Variants in ANKRD30BL observed in about 807,000 individuals in gnomAD.
The protein encoded by ANKRD30BL is ankyrin repeat domain 30B like.
In ANKRD30BL, 20 loss-of-function variants were observed where a neutral mutation model predicts 18.4. That is an observed-to-expected ratio of 1.09 (90% CI 0.77 to 1.58). ANKRD30BL has a LOEUF of 1.58. ANKRD30BL is among the 40% of genes most tolerant of loss of function. ANKRD30BL has a pLI of 0.00. For synonymous variants in ANKRD30BL, 72 were observed against 100.9 expected (o/e 0.71, Z 1.72); for missense variants, 224 against 268.6 (o/e 0.83, Z 1.16).
chr2:132,191,565 A>G (rs1210907842), intron 1 of ANKRD30BL, among the ~76,000 whole-genome samples: 1 of 152,004 alleles, frequency 6.6e-6, no homozygotes, highest in Non-Finnish European at 1.5e-5. Context: ...TGGATCCATT[A>G]TAGTTTCTGT....
chr2:132,185,388 G>T (rs1688545675), intron 1 of ANKRD30BL, among the ~76,000 whole-genome samples: 1 of 152,076 alleles, frequency 6.6e-6, no homozygotes, highest in Admixed American at 6.6e-5. Context: ...CATTGCAGGA[G>T]CCCCTTTCCT....
intron 1 of ANKRD30BL, among the ~76,000 whole-genome samples, chr2:132,204,536 G>T (rs2104750656): frequency 6.6e-6 from 1 of 151,476 alleles, no homozygotes; most frequent in South Asian, 2.1e-4. Flanking sequence ...CTAGATAGAA[G>T]TTTTTGAGAT....
intron 1 of ANKRD30BL, among the ~76,000 whole-genome samples, chr2:132,180,585 T>C (rs1452356975): frequency 6.6e-6 from 1 of 151,904 alleles, no homozygotes; most frequent in African/African-American, 2.4e-5. Flanking sequence ...CTCACTACAA[T>C]CTTACCCAGA....
intron 1 of ANKRD30BL, among the ~76,000 whole-genome samples, chr2:132,181,261 C>T (rs2104947707): frequency 6.6e-6 from 1 of 152,042 alleles, no homozygotes; most frequent in East Asian, 1.9e-4. Flanking sequence ...ATTGCCTGAG[C>T]TCAGGAGTTT....
chr2:132,151,596 C>G (rs3114239), intron 4 of ANKRD30BL, among the ~76,000 whole-genome samples: 2 of 147,026 alleles, frequency 1.4e-5, no homozygotes, highest in South Asian at 2.2e-4. Flanking sequence ...GAGACCATGT[C>G]TCAACAAAAA....
chr2:132,161,873 G>C lies in ANKRD30BL; in HGVS notation c.-168C>G, dbSNP rs1251529468. ...CTCCAACCTCTCCCGGGAGAAAATG[G>C]CTGCGCAAAACCGTTAGGCAGCTGA... is the stretch of plus-strand genomic sequence containing the variant. On this transcript the variant is annotated 5_prime_UTR_variant, in exon 1 of 6. Coordinates refer to ENST00000409867, the MANE Select transcript of ANKRD30BL (RefSeq NM_001358416.1). 2 of 600,816 alleles carry C rather than the reference G, an allele frequency of 3.3e-6. No homozygotes were observed. 37.2% of individuals were successfully genotyped at this position (600,816 alleles called of 1,614,324 possible).
intron 1 of ANKRD30BL, among the ~76,000 whole-genome samples, chr2:132,222,588 G>A (rs1679720737): frequency 6.6e-6 from 1 of 151,988 alleles, no homozygotes; most frequent in Non-Finnish European, 1.5e-5. Flanking sequence ...GTGTTAAATG[G>A]ATTAAGGGCG....
intron 1 of ANKRD30BL, among the ~76,000 whole-genome samples, chr2:132,175,824 GC>G (rs1337020295): frequency 6.6e-6 from 1 of 152,184 alleles, no homozygotes; most frequent in Non-Finnish European, 1.5e-5. Context: ...ATCCTGCACA[GC>G]CCTAGATCCC....
At chr2:132,162,546 C>T (rs1363565485), upstream of ANKRD30BL, among the ~76,000 whole-genome samples, 3 of 152,202 alleles carry the variant, frequency 2.0e-5, no homozygotes, top group African/African-American at 7.2e-5. Flanking sequence ...GATCCTGCAA[C>T]TGAGGTCCCA....
At chr2:132,256,077 A>T (rs1680826218) in intron 1 of ANKRD30BL, among the ~76,000 whole-genome samples, 2 of 152,204 alleles carry the variant, frequency 1.3e-5, no homozygotes, top group Non-Finnish European at 2.9e-5. Flanking sequence ...CAGCGACCAA[A>T]AGAACCATAA....
intron 1 of ANKRD30BL, among the ~76,000 whole-genome samples, chr2:132,182,756 G>A (rs1466650222): frequency 6.6e-6 from 1 of 152,028 alleles, no homozygotes; most frequent in Admixed American, 6.6e-5. Flanking sequence ...TCCTCAGGTG[G>A]TGGCTCAGTG....
At chr2:132,181,552 G>GAC (rs113866565) in intron 1 of ANKRD30BL, among the ~76,000 whole-genome samples, 9 of 151,586 alleles carry the variant, frequency 5.9e-5, no homozygotes, top group East Asian at 5.8e-4. Context: ...ACTAAAAGCA[G>GAC]ACACACACAC....
intron 1 of ANKRD30BL, among the ~76,000 whole-genome samples, chr2:132,202,816 A>T (rs1238335719): frequency 6.6e-6 from 1 of 152,352 alleles, no homozygotes; most frequent in African/African-American, 2.4e-5. Context: ...GGCCCATTGC[A>T]CAATGGCCAG....
At chr2:132,237,814 T>A (rs1192988950) in intron 1 of ANKRD30BL, among the ~76,000 whole-genome samples, 1 of 152,064 alleles carries the variant, frequency 6.6e-6, no homozygotes, top group African/African-American at 2.4e-5. Flanking sequence ...GACAGAAGAA[T>A]TCTCAGAAAC....
chr2:132,211,526 T>C (rs1679348061), intron 1 of ANKRD30BL, among the ~76,000 whole-genome samples: 1 of 151,988 alleles, frequency 6.6e-6, no homozygotes, highest in Non-Finnish European at 1.5e-5. Context: ...CAAAAGGATA[T>C]TTGGAGTGCT....
intron 1 of ANKRD30BL, among the ~76,000 whole-genome samples, chr2:132,192,412 T>G (rs1376556414): frequency 2.0e-5 from 3 of 152,146 alleles, no homozygotes; most frequent in Non-Finnish European, 4.4e-5. Context: ...CTCCTGGGAT[T>G]CTGAAACAAA....
At chr2:132,245,064 G>A (rs1025783141) in intron 1 of ANKRD30BL, among the ~76,000 whole-genome samples, 43 of 152,242 alleles carry the variant, frequency 2.8e-4, no homozygotes, top group African/African-American at 1.0e-3. Flanking sequence ...CTGGATATTA[G>A]GGCAGCATTG....
intron 1 of ANKRD30BL, among the ~76,000 whole-genome samples, chr2:132,184,150 G>A (rs1411269061): frequency 1.3e-5 from 2 of 151,924 alleles, no homozygotes; most frequent in East Asian, 1.9e-4. Flanking sequence ...TTGGCTCACT[G>A]CAACCTCCAC....
At chr2:132,209,319 A>G (rs1488537642) in intron 1 of ANKRD30BL, among the ~76,000 whole-genome samples, 1 of 149,020 alleles carries the variant, frequency 6.7e-6, no homozygotes. Context: ...GGGCTTTGGG[A>G]CCTCTAGAGG....
Sources: allele counts gnomAD v4.1 joint callset (sites outside exome capture counted in the v4.1 genomes callset), GRCh38; gene constraint gnomAD v4.1.1; transcripts MANE v1.5; gene names NCBI Gene and HGNC (gene_info 2026-07-23, HGNC 2026-07-21).